The following PTPRD variants were observed in gnomAD, a reference collection of about 807,000 sequenced individuals.
The protein encoded by PTPRD is protein tyrosine phosphatase receptor type D.
In PTPRD, 34 loss-of-function variants were observed where a neutral mutation model predicts 214.5. The ratio of observed to expected loss-of-function variants is 0.16; its 90% confidence interval spans 0.12 to 0.21. The LOEUF (loss-of-function observed/expected upper bound fraction) is 0.21, where lower values mean the gene tolerates loss of function less well. Ranked by LOEUF, PTPRD falls within the 10% of genes least tolerant of loss-of-function variation. The pLI is 1.00. For missense variants in PTPRD, 2,545 were observed against 2,398.7 expected (o/e 1.06, Z -1.27); for synonymous variants, 1,128 against 845.7 (o/e 1.33, Z -5.79).
intron 12 of PTPRD, among the ~76,000 whole-genome samples, chr9:8,665,757 C>T (rs901086781): frequency 4.6e-5 from 7 of 152,170 alleles, no homozygotes; most frequent in African/African-American, 1.4e-4. Flanking sequence ...GTCACAGTCC[C>T]TTTGCAAGAA....
intron 9 of PTPRD, among the ~76,000 whole-genome samples, chr9:9,386,219 C>T (rs1302449657): frequency 2.0e-5 from 3 of 152,034 alleles, no homozygotes; most frequent in African/African-American, 4.8e-5. Context: ...TCCTATGTGA[C>T]TGGAATGAAG....
At chr9:8,616,129 T>A (rs1482174061) in intron 14 of PTPRD, among the ~76,000 whole-genome samples, 1 of 152,172 alleles carries the variant, frequency 6.6e-6, no homozygotes, top group African/African-American at 2.4e-5. Context: ...TATTGACACA[T>A]AATTCACTCT....
chr9:8,759,391 T>C (rs1322356618), intron 11 of PTPRD, among the ~76,000 whole-genome samples: 1 of 152,046 alleles, frequency 6.6e-6, no homozygotes, highest in East Asian at 1.9e-4. Context: ...TATTGTGTCT[T>C]GGAGGAGGCA....
chr9:8,383,616 A>G (rs906704919), intron 37 of PTPRD, among the ~76,000 whole-genome samples: 5 of 152,194 alleles, frequency 3.3e-5, no homozygotes, highest in African/African-American at 1.2e-4. Flanking sequence ...TTGGAAACCA[A>G]GAATTAGGAT....
At position 8,314,799 on chromosome 9, in the gene PTPRD, C is replaced by T. The variant is rs1413108713; in HGVS notation, c.*3075G>A. On this transcript the variant is annotated 3_prime_UTR_variant, in exon 46 of 46. Transcript: ENST00000381196. ...AATGAATTTCCGAAGCAGTTTCTTA[C>T]AGATGGGTTCAAGTAATATCATTAT... 4.3e-6 allele frequency: 1 copy of T among 232,262 alleles called. No individual in the cohort carries two copies. The highest frequency in any genetic ancestry group is 8.5e-6 in the Non-Finnish European group (1 of 117,254). The allele number at this position is 232,262 out of a possible 1,614,324, so 14.4% of individuals were successfully genotyped here.
At chr9:9,591,415 A>T (rs565552823) in intron 7 of PTPRD, among the ~76,000 whole-genome samples, 61 of 152,102 alleles carry the variant, frequency 4.0e-4, no homozygotes, top group African/African-American at 1.4e-3. Flanking sequence ...TCATTCTTAC[A>T]GCCTCCAGGG....
intron 5 of PTPRD, among the ~76,000 whole-genome samples, chr9:9,771,908 T>C (rs868698907): frequency 5.3e-5 from 8 of 152,272 alleles, no homozygotes; most frequent in Non-Finnish European, 4.4e-5. Flanking sequence ...AAGACAGTAA[T>C]GATGCCATAA....
At chr9:10,300,762 A>G (rs2095838436) in intron 3 of PTPRD, among the ~76,000 whole-genome samples, 1 of 152,120 alleles carries the variant, frequency 6.6e-6, no homozygotes, top group Non-Finnish European at 1.5e-5. Context: ...GCAGCAGCCC[A>G]GGTGAGGGAC....
intron 3 of PTPRD, among the ~76,000 whole-genome samples, chr9:10,035,941 G>A (rs1011309737): frequency 3.3e-5 from 5 of 151,970 alleles, no homozygotes; most frequent in Admixed American, 1.3e-4. Context: ...ATTTGTTTGT[G>A]TTTAAAACTT....
intron 9 of PTPRD, among the ~76,000 whole-genome samples, chr9:9,248,450 G>A (rs1380537700): frequency 1.3e-5 from 2 of 151,898 alleles, no homozygotes; most frequent in Non-Finnish European, 2.9e-5. Context: ...AATTATCTTG[G>A]TAACAATGAT....
chr9:9,722,825 GC>G (rs1458354364), intron 7 of PTPRD, among the ~76,000 whole-genome samples: 9 of 152,014 alleles, frequency 5.9e-5, no homozygotes, highest in African/African-American at 2.2e-4. Context: ...ATTTTCATAT[GC>G]TTTTGACCAT....
intron 7 of PTPRD, among the ~76,000 whole-genome samples, chr9:9,733,720 C>G (rs928215277): frequency 6.6e-6 from 1 of 152,040 alleles, no homozygotes; most frequent in Non-Finnish European, 1.5e-5. Flanking sequence ...GAAAGGGTCA[C>G]TGCGTCAGAT....
chr9:8,925,531 A>C (rs2098873399), intron 11 of PTPRD, among the ~76,000 whole-genome samples: 1 of 151,794 alleles, frequency 6.6e-6, no homozygotes, highest in African/African-American at 2.4e-5. Flanking sequence ...AAACAAAAAA[A>C]ACCAACTACA....
intron 12 of PTPRD, among the ~76,000 whole-genome samples, chr9:8,717,020 T>C (rs2098444059): frequency 6.6e-6 from 1 of 151,976 alleles, no homozygotes; most frequent in African/African-American, 2.4e-5. Flanking sequence ...TACAAAAAAT[T>C]AACCAGGCAT....
At chr9:9,785,327 T>C (rs773967583) in intron 5 of PTPRD, among the ~76,000 whole-genome samples, 13 of 152,006 alleles carry the variant, frequency 8.6e-5, no homozygotes, top group Non-Finnish European at 1.6e-4. Context: ...CTACAGTATA[T>C]TTATTAGCTA....
chr9:9,195,902 G>T (rs942694508), intron 9 of PTPRD, among the ~76,000 whole-genome samples: 1 of 151,958 alleles, frequency 6.6e-6, no homozygotes, highest in Non-Finnish European at 1.5e-5. Context: ...AAATACAAAG[G>T]CTACATAAAT....
chr9:10,000,827 C>T (rs562338532), intron 4 of PTPRD, among the ~76,000 whole-genome samples: 2 of 152,292 alleles, frequency 1.3e-5, no homozygotes, highest in African/African-American at 4.8e-5. Context: ...ATCATGGCCA[C>T]CCCTAGCTAT....
intron 2 of PTPRD, among the ~76,000 whole-genome samples, chr9:10,426,911 G>C (rs946765548): frequency 2.0e-5 from 3 of 151,896 alleles, no homozygotes; most frequent in African/African-American, 7.3e-5. Flanking sequence ...AAATTTCAAA[G>C]GTAAACACAT....
intron 2 of PTPRD, among the ~76,000 whole-genome samples, chr9:10,473,169 A>C: frequency 1.6e-5 from 1 of 62,296 alleles, no homozygotes; most frequent in East Asian, 7.6e-4. Flanking sequence ...GGCCACATTA[A>C]ATTCAAACAG....
Sources: allele counts gnomAD v4.1 joint callset (sites outside exome capture counted in the v4.1 genomes callset), GRCh38; gene constraint gnomAD v4.1.1; transcripts MANE v1.5; gene names NCBI Gene and HGNC (gene_info 2026-07-23, HGNC 2026-07-21).